Variants in CCNY observed in about 807,000 individuals in gnomAD.
The protein encoded by CCNY is cyclin-Y.
Under a neutral mutation model 42.8 loss-of-function variants are expected in CCNY, and 19 were observed. The observed-to-expected ratio is 0.44, with a 90% CI of 0.31 to 0.65. The LOEUF (loss-of-function observed/expected upper bound fraction) is 0.65. Among genes scored for constraint, CCNY ranks in the 30% least tolerant of loss-of-function variants. CCNY has a pLI of 0.07. For missense variants in CCNY, 370 were observed against 437.3 expected, an observed-to-expected ratio of 0.85 and a Z score of 1.37; for synonymous variants, 165 against 162.7, an observed-to-expected ratio of 1.01 and a Z score of -0.11.
At chr10:35,402,181 T>G (rs1013751956) in intron 1 of CCNY, among the ~76,000 whole-genome samples, 6 of 152,098 alleles carry the variant, frequency 3.9e-5, no homozygotes, top group African/African-American at 1.4e-4. Flanking sequence ...GAGATTAAAC[T>G]GAAGAAAGAT....
intron 1 of CCNY, among the ~76,000 whole-genome samples, chr10:35,352,246 T>C (rs781432201): frequency 6.6e-5 from 10 of 152,216 alleles, no homozygotes; most frequent in Non-Finnish European, 1.2e-4. Flanking sequence ...ACAATGCTAG[T>C]ACTCCAAGGA....
intron 1 of CCNY, among the ~76,000 whole-genome samples, chr10:35,439,421 T>A (rs1320460964): frequency 6.6e-6 from 1 of 152,190 alleles, no homozygotes; most frequent in Non-Finnish European, 1.5e-5. Context: ...AGCTTTTTAC[T>A]TCTGTTGTTA....
chr10:35,372,415 T>C (rs1192456704), intron 1 of CCNY, among the ~76,000 whole-genome samples: 1 of 152,206 alleles, frequency 6.6e-6, no homozygotes, highest in Admixed American at 6.5e-5. Flanking sequence ...GACGATTCAC[T>C]CTGAGTCCCT....
intron 1 of CCNY, among the ~76,000 whole-genome samples, chr10:35,466,405 G>A (rs961909315): frequency 6.6e-6 from 1 of 152,148 alleles, no homozygotes; most frequent in Non-Finnish European, 1.5e-5. Context: ...GAAAGTGTGC[G>A]GTGAAGAGAT....
chr10:35,406,759 G>C (rs1268587861), intron 1 of CCNY, among the ~76,000 whole-genome samples: 1 of 152,184 alleles, frequency 6.6e-6, no homozygotes, highest in African/African-American at 2.4e-5. Context: ...CCTCCCAGAC[G>C]GGGTGGTGGC....
At chr10:35,264,107 T>C (rs1013061478) in intron 3 of CCNY, among the ~76,000 whole-genome samples, 1 of 152,264 alleles carries the variant, frequency 6.6e-6, no homozygotes, top group Non-Finnish European at 1.5e-5. Context: ...TGATTCCATG[T>C]CTTTGATATT....
chr10:35,560,091 G>A (rs780572339), intron 8 of CCNY, among the ~76,000 whole-genome samples: 20 of 152,182 alleles, frequency 1.3e-4, no homozygotes, highest in Non-Finnish European at 2.8e-4. Flanking sequence ...CAGCTGGAGA[G>A]GAATTTTGCC....
intron 7 of CCNY, among the ~76,000 whole-genome samples, chr10:35,537,048 C>T (rs949377096): frequency 6.6e-6 from 1 of 152,142 alleles, no homozygotes; most frequent in African/African-American, 2.4e-5. Flanking sequence ...CCTGGGCCCA[C>T]GGTTCCTGTG....
At chr10:35,247,805 G>A (rs1445400452) in intron 1 of CCNY, among the ~76,000 whole-genome samples, 7 of 148,808 alleles carry the variant, frequency 4.7e-5, no homozygotes, top group Non-Finnish European at 7.4e-5. Flanking sequence ...AAACCCAGGA[G>A]GTGGAGCTTG....
intron 3 of CCNY, among the ~76,000 whole-genome samples, chr10:35,331,354 G>A (rs747005626): frequency 2.0e-5 from 3 of 152,190 alleles, no homozygotes; most frequent in Non-Finnish European, 4.4e-5. Flanking sequence ...AAGTATGGAA[G>A]GATAAAGAAG....
chr10:35,457,126 C>G (rs1220920082), intron 1 of CCNY, among the ~76,000 whole-genome samples: 2 of 152,176 alleles, frequency 1.3e-5, no homozygotes, highest in Non-Finnish European at 2.9e-5. Context: ...ATTACATGTT[C>G]TTTTTCATGT....
At chr10:35,340,504 CTT>C (rs1210434335) in intron 1 of CCNY, among the ~76,000 whole-genome samples, 29 of 132,636 alleles carry the variant, frequency 2.2e-4, no homozygotes, top group Admixed American at 2.3e-4. Context: ...CAACTTCATT[CTT>C]TTTTTTTTTT....
chr10:35,532,958 T>C (rs1156976795), intron 7 of CCNY, among the ~76,000 whole-genome samples: 1 of 152,248 alleles, frequency 6.6e-6, no homozygotes, highest in Non-Finnish European at 1.5e-5. Flanking sequence ...GCATATCCCT[T>C]GTCCTGTAGG....
chr10:35,555,301 T>TA lies in CCNY; in HGVS notation c.746+2117dup, dbSNP rs1443489824. The stretch of plus-strand genomic sequence containing the variant: ...AAAATGATGTGTACTGGTCCTCAGT[T>TA]ACGAAGATGTTTTAAACATTCATTT... On this transcript the variant is annotated intron_variant, in intron 8 of 9. Coordinates refer to ENST00000374704, the MANE Select transcript of CCNY (RefSeq NM_145012.6). Among the ~76,000 whole-genome samples the TA allele has an allele frequency of 3.3e-5, 5 of 152,330 alleles. No homozygotes were observed. The East Asian group carries it at 5.8e-4, about 18-fold the overall frequency.
At chr10:35,394,778 GA>G in intron 1 of CCNY, 1 of 909,068 alleles carries the variant, frequency 1.1e-6, no homozygotes, top group Non-Finnish European at 1.3e-6. Flanking sequence ...CCTCTGTTTT[GA>G]AGGGCCTTGG....
chr10:35,550,208 C>A (rs1170879319), intron 7 of CCNY, among the ~76,000 whole-genome samples: 1 of 144,596 alleles, frequency 6.9e-6, no homozygotes, highest in Non-Finnish European at 1.5e-5. Flanking sequence ...CTACAGTGCT[C>A]GTGACCCTGC....
intron 1 of CCNY, among the ~76,000 whole-genome samples, chr10:35,477,890 C>T (rs1395127387): frequency 6.7e-6 from 1 of 148,542 alleles, no homozygotes; most frequent in Non-Finnish European, 1.5e-5. Flanking sequence ...TAGAAAACCC[C>T]ATTGTCTCAG....
At chr10:35,394,528 A>G (rs901420141) in intron 1 of CCNY, among the ~76,000 whole-genome samples, 2 of 152,200 alleles carry the variant, frequency 1.3e-5, no homozygotes, top group African/African-American at 4.8e-5. Flanking sequence ...TTAAGATCCT[A>G]TCTGAAGTTG....
At chr10:35,559,133 A>G (rs770268469) in intron 8 of CCNY, among the ~76,000 whole-genome samples, 6 of 152,238 alleles carry the variant, frequency 3.9e-5, no homozygotes, top group Non-Finnish European at 8.8e-5. Flanking sequence ...ATGCATTCAC[A>G]TGTCATCATG....
Sources: allele counts gnomAD v4.1 joint callset (sites outside exome capture counted in the v4.1 genomes callset), GRCh38; gene constraint gnomAD v4.1.1; transcripts MANE v1.5; gene names NCBI Gene and HGNC (gene_info 2026-07-23, HGNC 2026-07-21).